Variants in CAPZA2 observed in about 807,000 individuals in gnomAD.
The protein encoded by CAPZA2 is capping actin protein of muscle Z-line subunit alpha 2, also known as F-actin-capping protein subunit alpha-2.
Under a neutral mutation model 44.0 loss-of-function variants are expected in CAPZA2, and 13 were observed. The ratio of observed to expected loss-of-function variants is 0.30; its 90% CI spans 0.19 to 0.47. The LOEUF (loss-of-function observed/expected upper bound fraction) is 0.47, where lower values mean the gene tolerates loss of function less well. Ranked by LOEUF, CAPZA2 falls within the 20% of genes least tolerant of loss-of-function variation. The pLI is 1.00. For synonymous variants in CAPZA2, 94 were observed against 108.2 expected (o/e 0.87, Z 0.81); for missense variants, 244 against 338.6 (o/e 0.72, Z 2.19).
chr7:116,874,077 A>G (rs765500067), intron 1 of CAPZA2: 1 of 153,168 alleles, frequency 6.5e-6, no homozygotes, highest in Non-Finnish European at 1.5e-5. Flanking sequence ...TTTTGCACTC[A>G]CTACTTTTTC....
chr7:116,893,479 G>A (rs976072852), intron 3 of CAPZA2, among the ~76,000 whole-genome samples: 2 of 152,160 alleles, frequency 1.3e-5, no homozygotes, highest in African/African-American at 4.8e-5. Context: ...TGCACATCAA[G>A]TTCAAATGTG....
chr7:116,868,013 A>G (rs1024395049), intron 1 of CAPZA2, among the ~76,000 whole-genome samples: 1 of 152,194 alleles, frequency 6.6e-6, no homozygotes, highest in African/African-American at 2.4e-5. Flanking sequence ...CTTGGCATGT[A>G]GTAAGCGCAC....
At chr7:116,895,078 AATAAT>A (rs1796907317) in intron 3 of CAPZA2, among the ~76,000 whole-genome samples, 1 of 151,976 alleles carries the variant, frequency 6.6e-6, no homozygotes, top group Admixed American at 6.5e-5. Context: ...TTTTCTTTAT[AATAAT>A]ATAAAACATG....
At position 116,867,959 on chromosome 7, in the gene CAPZA2, G is replaced by A. The variant is rs576956009; in HGVS notation, c.39+5309G>A. Reference sequence around the variant, plus strand: ...GTTTGCTCTGAAATGTTAGAATGTTGTAGTAAGTACCTTCTTCATTAAGTT... The same window carrying A: ...GTTTGCTCTGAAATGTTAGAATGTTATAGTAAGTACCTTCTTCATTAAGTT... On this transcript the variant is annotated intron_variant, in intron 1 of 9. Transcript: ENST00000361183. 7.9e-5 allele frequency among the ~76,000 whole-genome samples: 12 copies of A among 152,274 alleles called. No homozygotes were observed. In the South Asian group the frequency reaches 8.3e-4, roughly 11 times the overall value.
chr7:116,917,341 G>A lies in CAPZA2; in HGVS notation c.721-386G>A, dbSNP rs371888862. ...GCGATCTCGCCTCACTGCAAGCTCCGCCTTCCAGGTTCACGCCATTCTCCC... is the reference window on the plus strand; with the variant it reads ...GCGATCTCGCCTCACTGCAAGCTCCACCTTCCAGGTTCACGCCATTCTCCC... On this transcript the variant is annotated intron_variant, in intron 9 of 9. Coordinates refer to ENST00000361183, the MANE Select transcript of CAPZA2 (RefSeq NM_006136.3). 4.6e-5 allele frequency among the ~76,000 whole-genome samples: 7 copies of A among 152,232 alleles called. No individual in the cohort carries two copies. In the East Asian group the frequency reaches 9.6e-4, roughly 21 times the overall value.
At chr7:116,879,124 CAAAAAAA>C (rs71148337) in intron 1 of CAPZA2, among the ~76,000 whole-genome samples, 14 of 45,300 alleles carry the variant, frequency 3.1e-4, no homozygotes, top group Admixed American at 1.2e-3. Flanking sequence ...AACTCTGTCT[CAAAAAAA>C]AAAAAAAAAA....
In CAPZA2 at chr7:116,918,759, G is replaced by C. The variant is rs1470457443; in HGVS notation, c.*892G>C. On this transcript the variant is annotated 3_prime_UTR_variant, in exon 10 of 10. Transcript: ENST00000361183. Reference sequence around the variant, plus strand: ...TATTTGAGTAGAAAATCACTTACCAGTGAGCATATATATTTTAAAATACTT... The same window carrying C: ...TATTTGAGTAGAAAATCACTTACCACTGAGCATATATATTTTAAAATACTT... 1 of 151,816 alleles carries C rather than the reference G, an allele frequency of 6.6e-6. No individual in the cohort carries two copies. Among genetic ancestry groups the C allele is most frequent in the Non-Finnish European group, 1.5e-5 (1 of 68,000 alleles). The allele number at this position is 151,816 out of a possible 1,614,324, so 9.4% of individuals were successfully genotyped here.
At position 116,866,065 on chromosome 7, in the gene CAPZA2, A is replaced by T. The variant is rs970334316; in HGVS notation, c.39+3415A>T. Among the ~76,000 whole-genome samples, 3 of 152,238 alleles carry T rather than the reference A, an allele frequency of 2.0e-5. No homozygotes were observed. In the South Asian group the frequency reaches 6.2e-4, roughly 31 times the overall value. Reference sequence around the variant, plus strand: ...TCATACACAATTGCTTTTTGAGGATACTACTATGAAGTTTAATAACCTTTT... The same window carrying T: ...TCATACACAATTGCTTTTTGAGGATTCTACTATGAAGTTTAATAACCTTTT... On this transcript the variant is annotated intron_variant, in intron 1 of 9. Coordinates refer to ENST00000361183, the MANE Select transcript of CAPZA2 (RefSeq NM_006136.3).
At chr7:116,904,685 A>C (rs1791462998) in intron 5 of CAPZA2, 1 of 221,630 alleles carries the variant, frequency 4.5e-6, no homozygotes, top group African/African-American at 2.3e-5. Flanking sequence ...GACTCGTCTC[A>C]GTTTAGATCA....
intron 9 of CAPZA2, among the ~76,000 whole-genome samples, chr7:116,917,136 A>G (rs1421088404): frequency 1.3e-5 from 2 of 152,222 alleles, no homozygotes; most frequent in Non-Finnish European, 2.9e-5. Flanking sequence ...AATTGTTCTG[A>G]CATACTAAAA....
In CAPZA2 at chr7:116,908,309, A is replaced by G. The variant is rs199905405; in HGVS notation, c.507-1924A>G. Among the ~76,000 whole-genome samples the G allele has an allele frequency of 2.2e-4, 34 of 152,252 alleles. No homozygotes were observed. The East Asian group carries it at 5.4e-3, about 24-fold the overall frequency. Reference sequence around the variant, plus strand: ...ACTTCAGTTCATCTAAAATATAGGTAGAGTAAAAATCAGAAGCAACTAGTC... The same window carrying G: ...ACTTCAGTTCATCTAAAATATAGGTGGAGTAAAAATCAGAAGCAACTAGTC... On this transcript the variant is annotated intron_variant, in intron 6 of 9. Transcript: ENST00000361183.
intron 3 of CAPZA2, among the ~76,000 whole-genome samples, chr7:116,895,489 A>C (rs367883146): frequency 6.6e-6 from 1 of 152,150 alleles, no homozygotes; most frequent in East Asian, 1.9e-4. Context: ...CTTCATGTGC[A>C]TTGTAACAGG....
In CAPZA2 at chr7:116,900,831, A is replaced by G. The variant is rs1796985051; in HGVS notation, c.219+1996A>G. ...AAATTTAAAAGATAAAAACAAGCGCATTAAAAAGTGGGCAAAGGATATGAA... is the reference window on the plus strand; with the variant it reads ...AAATTTAAAAGATAAAAACAAGCGCGTTAAAAAGTGGGCAAAGGATATGAA... On this transcript the variant is annotated intron_variant, in intron 4 of 9. Transcript: ENST00000361183. Among the ~76,000 whole-genome samples the G allele has an allele frequency of 3.3e-5, 5 of 152,220 alleles. No individual in the cohort carries two copies. The South Asian group carries it at 1.0e-3, about 32-fold the overall frequency.
intron 5 of CAPZA2, 96 bp downstream of exon 5, chr7:116,904,479 T>C (rs1791458895): frequency 1.4e-6 from 1 of 727,528 alleles, no homozygotes; most frequent in African/African-American, 1.8e-5. Context: ...ATTGACATTG[T>C]ATAATTTGTC....
At chr7:116,894,564 A>G (rs1796900705) in intron 3 of CAPZA2, among the ~76,000 whole-genome samples, 1 of 152,096 alleles carries the variant, frequency 6.6e-6, no homozygotes, top group Admixed American at 6.5e-5. Flanking sequence ...AAAACATACT[A>G]TTTTACCCAT....
intron 1 of CAPZA2, among the ~76,000 whole-genome samples, chr7:116,877,694 A>G (rs1796639871): frequency 6.6e-6 from 1 of 152,224 alleles, no homozygotes; most frequent in Admixed American, 6.5e-5. Context: ...GCTTAATGTT[A>G]TTTAAGAGCT....
At chr7:116,911,235 C>T (rs1347358596) in intron 7 of CAPZA2, among the ~76,000 whole-genome samples, 2 of 152,138 alleles carry the variant, frequency 1.3e-5, no homozygotes, top group Non-Finnish European at 2.9e-5. Flanking sequence ...GTACAGTCTT[C>T]AGCATTTAGC....
chr7:116,878,826 GGT>G (rs1562957774), intron 1 of CAPZA2, among the ~76,000 whole-genome samples: 1 of 152,084 alleles, frequency 6.6e-6, no homozygotes, highest in Non-Finnish European at 1.5e-5. Flanking sequence ...CTGTATTCCA[GGT>G]CTATATTTAA....
At chr7:116,867,789 G>T (rs1210319418) in intron 1 of CAPZA2, among the ~76,000 whole-genome samples, 1 of 152,016 alleles carries the variant, frequency 6.6e-6, no homozygotes, top group Non-Finnish European at 1.5e-5. Context: ...TCGCTATGTT[G>T]CCCAGGCTGG....
Sources: gnomAD v4.1 joint callset for allele counts (sites outside exome capture counted in the v4.1 genomes callset) on GRCh38, gnomAD v4.1.1 for gene constraint, MANE v1.5 for transcripts, NCBI Gene and HGNC (gene_info 2026-07-23, HGNC 2026-07-21) for gene names.